The following GREM2 variants were observed in gnomAD, a reference collection of about 807,000 sequenced individuals.
GREM2 encodes the protein gremlin 2, DAN family BMP antagonist.
A neutral mutation model predicts 14.2 loss-of-function variants in GREM2; 11 were observed. The ratio of observed to expected loss-of-function variants is 0.78; its 90% confidence interval spans 0.49 to 1.28. The LOEUF (loss-of-function observed/expected upper bound fraction) is 1.28, where lower values mean the gene tolerates loss of function less well. GREM2 is among the 50% of genes most tolerant of loss of function. The pLI is 0.00. For missense variants in GREM2, 210 were observed against 218.5 expected (o/e 0.96, Z 0.24); for synonymous variants, 98 against 97.6 (o/e 1.00, Z -0.02).
intron 1 of GREM2, among the ~76,000 whole-genome samples, chr1:240,594,298 T>A (rs376890454): frequency 6.6e-6 from 1 of 152,154 alleles, no homozygotes; most frequent in African/African-American, 2.4e-5. Flanking sequence ...TTGATTCCCA[T>A]AAATTAAGTT....
intron 1 of GREM2, among the ~76,000 whole-genome samples, chr1:240,553,984 C>G (rs535399303): frequency 6.6e-6 from 1 of 152,292 alleles, no homozygotes; most frequent in South Asian, 2.1e-4. Flanking sequence ...CATTCTGTGA[C>G]CTCAGCAAAG....
chr1:240,603,554 A>G (rs182987362), intron 1 of GREM2, among the ~76,000 whole-genome samples: 3 of 152,096 alleles, frequency 2.0e-5, no homozygotes, highest in East Asian at 3.9e-4. Flanking sequence ...ATTGGCTCAC[A>G]TGGCTACCCA....
chr1:240,511,646 G>T (rs944162483), intron 1 of GREM2, among the ~76,000 whole-genome samples: 8 of 152,170 alleles, frequency 5.3e-5, no homozygotes, highest in African/African-American at 1.9e-4. Flanking sequence ...CCAGCTACTT[G>T]GGAGGCTGAG....
At chr1:240,566,731 C>G (rs1679181331) in intron 1 of GREM2, among the ~76,000 whole-genome samples, 1 of 152,132 alleles carries the variant, frequency 6.6e-6, no homozygotes, top group Non-Finnish European at 1.5e-5. Flanking sequence ...GAACAAAACT[C>G]AAGAATATTT....
intron 1 of GREM2, among the ~76,000 whole-genome samples, chr1:240,510,646 T>G (rs1455311673): frequency 1.3e-5 from 2 of 152,184 alleles, no homozygotes; most frequent in African/African-American, 2.4e-5. Flanking sequence ...TTCACCTCAA[T>G]TAAAAGAAAT....
chr1:240,511,007 ACTAT>A (rs754233753), intron 1 of GREM2, among the ~76,000 whole-genome samples: 4 of 152,262 alleles, frequency 2.6e-5, no homozygotes, highest in East Asian at 3.8e-4. Flanking sequence ...ACTTTCAATG[ACTAT>A]CTAATCTAAC....
intron 1 of GREM2, among the ~76,000 whole-genome samples, chr1:240,585,724 C>G (rs1471522014): frequency 2.0e-5 from 2 of 99,580 alleles, no homozygotes; most frequent in Non-Finnish European, 3.7e-5. Flanking sequence ...AGAGAGACTC[C>G]ATCTCAAAAA....
chr1:240,542,556 A>G lies in GREM2; in HGVS notation c.-1-49080T>C, dbSNP rs1324266929. 6.6e-6 allele frequency among the ~76,000 whole-genome samples: 1 copy of G among 151,964 alleles called. No individual in the cohort carries two copies. Among genetic ancestry groups the G allele is most frequent in the Non-Finnish European group, 1.5e-5 (1 of 68,006 alleles). On this transcript the variant is annotated intron_variant, in intron 1 of 1. Transcript: ENST00000318160. This position sits in a 1 kb window ranked among gnomAD's most constrained non-coding sequence, Gnocchi z 4.1. ...CTTGAACCCAGGAGGCGGAGGTTGC[A>G]GTGAGCCAAGATTGTGCCCCTGCAC... is the stretch of plus-strand genomic sequence containing the variant.
chr1:240,553,125 G>A lies in GREM2; in HGVS notation c.-2+58759C>T, dbSNP rs560776039. Among the ~76,000 whole-genome samples, 38 of 152,278 alleles carry A rather than the reference G, an allele frequency of 2.5e-4. No individual in the cohort carries two copies. The South Asian group carries it at 7.9e-3, about 32-fold the overall frequency. ...TTCTATCAGAAATCACGAAGACTTT[G>A]AAAGAAAACCCAGAATTAAAAGTGA... is the stretch of plus-strand genomic sequence containing the variant. On this transcript the variant is annotated intron_variant, in intron 1 of 1. Transcript: ENST00000318160.
At chr1:240,497,651 GTTT>G (rs71498915) in intron 1 of GREM2, among the ~76,000 whole-genome samples, 1 of 140,930 alleles carries the variant, frequency 7.1e-6, no homozygotes, top group African/African-American at 2.7e-5. Flanking sequence ...GAAAAAAAAA[GTTT>G]TTTTTTTTTT....
chr1:240,574,746 T>A (rs1242412902), intron 1 of GREM2, among the ~76,000 whole-genome samples: 1 of 152,018 alleles, frequency 6.6e-6, no homozygotes, highest in Non-Finnish European at 1.5e-5. Context: ...GTCAACAAGA[T>A]ATGGACACAC....
intron 1 of GREM2, among the ~76,000 whole-genome samples, chr1:240,538,291 C>T (rs901596681): frequency 2.8e-4 from 42 of 152,286 alleles, no homozygotes; most frequent in African/African-American, 9.4e-4. Flanking sequence ...TTAGCTCCTT[C>T]GTGATTGATT....
At chr1:240,599,029 G>A (rs769134564) in intron 1 of GREM2, among the ~76,000 whole-genome samples, 1 of 152,082 alleles carries the variant, frequency 6.6e-6, no homozygotes, top group African/African-American at 2.4e-5. Context: ...AGCATTTTGG[G>A]AGACCGAGGC....
chr1:240,575,731 G>A (rs1444764141), intron 1 of GREM2, among the ~76,000 whole-genome samples: 1 of 151,844 alleles, frequency 6.6e-6, no homozygotes, highest in African/African-American at 2.4e-5. Flanking sequence ...ATGTTGGCCA[G>A]GCTGGTCTCA....
At position 240,492,300 on chromosome 1, in the gene GREM2, T is replaced by G; in HGVS notation, c.*669A>C. 2.4e-6 allele frequency: 1 copy of G among 423,822 alleles called. No homozygotes were observed. The highest frequency in any genetic ancestry group is 1.7e-5 in the South Asian group (1 of 60,378). The allele number at this position is 423,822 out of a possible 1,614,324, so 26.3% of individuals were successfully genotyped here. A position where few individuals can be genotyped will look rare whatever the true frequency, so the allele number is the denominator to read the frequency against. ...AGAAGAGGCGGTGGGGACTTGAGGA[T>G]GGGGGATTGTGTAGCCTGCTCTGCT... On this transcript the variant is annotated 3_prime_UTR_variant, in exon 2 of 2. Coordinates refer to ENST00000318160, the MANE Select transcript of GREM2 (RefSeq NM_022469.4).
At chr1:240,531,936 C>A (rs372520238) in intron 1 of GREM2, among the ~76,000 whole-genome samples, 4 of 151,748 alleles carry the variant, frequency 2.6e-5, no homozygotes, top group Non-Finnish European at 5.9e-5. Context: ...CAATTGGAAA[C>A]GATAGCCATT....
chr1:240,583,607 C>CT (rs869097805), intron 1 of GREM2, among the ~76,000 whole-genome samples: 98 of 84,730 alleles, frequency 1.2e-3, no homozygotes, highest in South Asian at 3.1e-3. Context: ...TCATCTCTAT[C>CT]TTTTTTTTTT....
At chr1:240,590,226 A>G (rs1232168046) in intron 1 of GREM2, among the ~76,000 whole-genome samples, 1 of 152,180 alleles carries the variant, frequency 6.6e-6, no homozygotes, top group Non-Finnish European at 1.5e-5. Flanking sequence ...ATGTAGAATA[A>G]CATTCACATA....
intron 1 of GREM2, among the ~76,000 whole-genome samples, chr1:240,611,289 A>G (rs1408808340): frequency 1.3e-5 from 2 of 152,210 alleles, no homozygotes; most frequent in Non-Finnish European, 2.9e-5. Context: ...TAAGTCAGGT[A>G]CACAGGAAGG....
Sources: allele counts gnomAD v4.1 joint callset (sites outside exome capture counted in the v4.1 genomes callset), GRCh38; gene constraint gnomAD v4.1.1; non-coding constraint Gnocchi (gnomAD v3.1); transcripts MANE v1.5; gene names NCBI Gene and HGNC (gene_info 2026-07-23, HGNC 2026-07-21).